TMOD1: variants seen among roughly 807,000 people sequenced by gnomAD.
TMOD1 encodes the protein tropomodulin 1, also known as tropomodulin-1.
A neutral mutation model predicts 40.6 loss-of-function variants in TMOD1; 17 were observed. The ratio of observed to expected loss-of-function variants is 0.42; its 90% CI spans 0.29 to 0.63. The LOEUF is 0.63. Among genes scored for constraint, TMOD1 ranks in the 20% least tolerant of loss-of-function variants. The probability of loss-of-function intolerance (pLI) is 0.22; values close to 1 mark genes in which losing one functional copy is unlikely to be tolerated. For synonymous variants in TMOD1, 181 were observed against 175.0 expected (o/e 1.03, Z -0.27); for missense variants, 391 against 447.6 (o/e 0.87, Z 1.14).
At chr9:97,547,220 A>C in intron 3 of TMOD1, among the ~76,000 whole-genome samples, 1 of 143,988 alleles carries the variant, frequency 6.9e-6, no homozygotes, top group Non-Finnish European at 1.5e-5. Flanking sequence ...GCCCCCCTCC[A>C]ATATCCCCCT....
In TMOD1 at chr9:97,565,922, C is replaced by A. The variant is rs377416877; in HGVS notation, c.693C>A (p.Ile231=). The A allele has an allele frequency of 6.2e-7, 1 of 1,614,058 alleles. No individual in the cohort carries two copies. Among genetic ancestry groups the A allele is most frequent in the Non-Finnish European group, 8.5e-7 (1 of 1,180,014 alleles). The stretch of plus-strand genomic sequence containing the variant: ...ACTCATATGTGAAGAAGTTCAGCAT[C>A]GTGGGGACACGGAGTAATGACCCCG... The part of the protein sequence containing the change: ...KENSYVKKFS[I]VGTRSNDPVA... Residue 231 remains isoleucine, a synonymous_variant, in exon 7 of 10, where the codon ATC becomes ATA. Coordinates refer to ENST00000259365, the MANE Select transcript of TMOD1 (RefSeq NM_003275.4).
At chr9:97,512,685 A>G (rs1829722941) in intron 1 of TMOD1, 1 of 150,698 alleles carries the variant, frequency 6.6e-6, no homozygotes. Context: ...CACATCCACT[A>G]TATGTTTCCA....
chr9:97,553,445 G>T lies in TMOD1; in HGVS notation c.397+45G>T. 3 of 1,611,978 alleles carry T rather than the reference G, an allele frequency of 1.9e-6. No individual in the cohort carries two copies. In the South Asian group the frequency reaches 3.3e-5, roughly 18 times the overall value. On this transcript the variant is annotated intron_variant, in intron 4 of 9. Transcript: ENST00000259365. ...CTTTCCACATCCTCCAGAAGGATTT[G>T]ACCCACATCTGCAGGGAGCCTTGTA...
chr9:97,551,399 T>C (rs1207394807), intron 3 of TMOD1, among the ~76,000 whole-genome samples: 4 of 152,188 alleles, frequency 2.6e-5, no homozygotes, highest in African/African-American at 9.7e-5. Context: ...GAAATAGGGG[T>C]CCAACTTCAT....
chr9:97,584,372 G>C (rs1348146008), intron 8 of TMOD1, among the ~76,000 whole-genome samples: 1 of 151,266 alleles, frequency 6.6e-6, no homozygotes, highest in Admixed American at 6.6e-5. Context: ...GAGATAGTTT[G>C]TTATAATTTC....
intron 4 of TMOD1, among the ~76,000 whole-genome samples, chr9:97,562,162 C>A (rs369608296): frequency 1.2e-4 from 19 of 152,330 alleles, no homozygotes; most frequent in African/African-American, 4.3e-4. Context: ...ATCAGGTTGG[C>A]ATTTCCAGAA....
Position 97,591,332 on chromosome 9 carries a change from C to A in TMOD1, c.912C>A (p.Ser304Arg), listed in dbSNP as rs906814265. Residue 304 changes from serine to arginine, a missense_variant, in exon 9 of 10, where the codon AGC (serine) becomes AGA (arginine). Physicochemically the swap from Ser to Arg is moderately radical, Grantham distance 110. Coordinates refer to ENST00000259365, the MANE Select transcript of TMOD1 (RefSeq NM_003275.4). ...LGNKVEMEIV[S>R]MLEKNATLLK... is the part of the protein sequence containing the mutation. ...ACAAAGTGGAAATGGAGATTGTGAG[C>A]ATGTTGGAAAAAAACGCAACACTTC... is the stretch of plus-strand genomic sequence containing the variant. 3 of 1,614,004 alleles carry A rather than the reference C, an allele frequency of 1.9e-6. No homozygotes were observed. In the African/African-American group the frequency reaches 4.0e-5, roughly 22 times the overall value.
intron 9 of TMOD1, among the ~76,000 whole-genome samples, chr9:97,598,434 G>C (rs1433268300): frequency 6.6e-6 from 1 of 151,980 alleles, no homozygotes; most frequent in Non-Finnish European, 1.5e-5. Context: ...CATAAAATGG[G>C]AATGGTAACT....
intron 4 of TMOD1, among the ~76,000 whole-genome samples, chr9:97,554,746 G>GGCACCA (rs981740426): frequency 6.6e-6 from 1 of 152,020 alleles, no homozygotes; most frequent in Non-Finnish European, 1.5e-5. Flanking sequence ...GAGGTGGGAG[G>GGCACCA]GCACCAGCAC....
intron 1 of TMOD1, among the ~76,000 whole-genome samples, chr9:97,507,297 G>A (rs542839880): frequency 2.2e-4 from 33 of 152,202 alleles, no homozygotes; most frequent in African/African-American, 7.5e-4. Flanking sequence ...AAGAGAGAGG[G>A]AGACGTGAGG....
intron 9 of TMOD1, among the ~76,000 whole-genome samples, chr9:97,597,691 C>T (rs1275303579): frequency 1.3e-3 from 4 of 3,004 alleles, no homozygotes; most frequent in East Asian, 5.2e-3. Context: ...AGCAAGACTC[C>T]GTCTCAAAAA....
intron 8 of TMOD1, among the ~76,000 whole-genome samples, chr9:97,575,746 C>T (rs900928345): frequency 3.3e-5 from 5 of 152,202 alleles, no homozygotes; most frequent in Admixed American, 6.5e-5. Flanking sequence ...GAGCCACCGG[C>T]TCCAGGATAC....
At chr9:97,591,148 C>G in intron 8 of TMOD1, 143 bp from the exon 9 acceptor site, 1 of 885,806 alleles carries the variant, frequency 1.1e-6, no homozygotes, top group South Asian at 1.9e-5. Context: ...CTTCTCTAAA[C>G]TTCCATTTCC....
At chr9:97,582,562 T>A (rs1486824886) in intron 8 of TMOD1, among the ~76,000 whole-genome samples, 3 of 136,870 alleles carry the variant, frequency 2.2e-5, no homozygotes, top group Non-Finnish European at 4.6e-5. Context: ...TTGTTGGGGA[T>A]GGCATTGAAT....
Position 97,507,297 on chromosome 9 carries a change from G to T in TMOD1, c.-49+5494G>T, listed in dbSNP as rs542839880. Among the ~76,000 whole-genome samples, 3 of 152,320 alleles carry T rather than the reference G, an allele frequency of 2.0e-5. No individual in the cohort carries two copies. The South Asian group carries it at 6.2e-4, about 32-fold the overall frequency. On this transcript the variant is annotated intron_variant, in intron 1 of 9. Transcript: ENST00000259365. ...GTGCAAAGTGAAGGTAAGAGAGAGG[G>T]AGACGTGAGGACAGACTTCCTCCAT...
At chr9:97,587,804 T>A (rs1253140591) in intron 8 of TMOD1, among the ~76,000 whole-genome samples, 1 of 152,240 alleles carries the variant, frequency 6.6e-6, no homozygotes, top group Non-Finnish European at 1.5e-5. Context: ...TCCATCGCTA[T>A]GGATTTGCCT....
At chr9:97,516,883 A>C (rs2131215180) in intron 1 of TMOD1, 1 of 152,314 alleles carries the variant, frequency 6.6e-6, no homozygotes, top group South Asian at 2.1e-4. Flanking sequence ...TGAGAAAATG[A>C]AAAAGTTCTG....
intron 2 of TMOD1, among the ~76,000 whole-genome samples, chr9:97,544,167 G>C (rs1474637686): frequency 6.6e-6 from 1 of 152,032 alleles, no homozygotes; most frequent in East Asian, 1.9e-4. Context: ...ATCACACCCC[G>C]GTCTCCTGAT....
At chr9:97,530,787 C>CTTTTTT (rs57086657) in intron 2 of TMOD1, among the ~76,000 whole-genome samples, 1 of 90,894 alleles carries the variant, frequency 1.1e-5, no homozygotes, top group Non-Finnish European at 2.0e-5. Context: ...CCGGGCCCGG[C>CTTTTTT]TTTTTTTTTT....
Sources: allele counts gnomAD v4.1 joint callset (sites outside exome capture counted in the v4.1 genomes callset), GRCh38; gene constraint gnomAD v4.1.1; transcripts MANE v1.5; gene names NCBI Gene and HGNC (gene_info 2026-07-23, HGNC 2026-07-21).